PLCB1: variants seen among roughly 807,000 people sequenced by gnomAD.
PLCB1 encodes 1-phosphatidylinositol 4,5-bisphosphate phosphodiesterase beta-1.
A neutral mutation model predicts 161.8 loss-of-function variants in PLCB1; 46 were observed. That is an observed-to-expected ratio of 0.28 (90% CI 0.22 to 0.36). PLCB1 has a LOEUF of 0.36. Among genes scored for constraint, PLCB1 ranks in the 10% least tolerant of loss-of-function variants. The pLI, the probability that PLCB1 is intolerant of heterozygous loss-of-function variation, is 1.00. For missense variants in PLCB1, 1,016 were observed against 1,472.5 expected, an observed-to-expected ratio of 0.69 and a Z score of 5.07; for synonymous variants, 517 against 503.7, an observed-to-expected ratio of 1.03 and a Z score of -0.35.
chr20:8,535,676 A>G (rs182733244), intron 3 of PLCB1, among the ~76,000 whole-genome samples: 1 of 152,194 alleles, frequency 6.6e-6, no homozygotes, highest in East Asian at 1.9e-4. Context: ...TAAACTGTAC[A>G]TTAGTGTAAT....
chr20:8,594,398 A>T (rs1987254441), intron 3 of PLCB1, among the ~76,000 whole-genome samples: 1 of 151,564 alleles, frequency 6.6e-6, no homozygotes, highest in South Asian at 2.1e-4. Flanking sequence ...ATTGCCTTCA[A>T]TCAGGGCTTC....
chr20:8,391,809 A>G (rs1439803366), intron 3 of PLCB1, among the ~76,000 whole-genome samples: 33 of 142,218 alleles, frequency 2.3e-4, no homozygotes, highest in Non-Finnish European at 2.9e-4. Context: ...ATATATATAT[A>G]TATATATATA....
At chr20:8,707,553 C>T (rs1978756220) in intron 11 of PLCB1, among the ~76,000 whole-genome samples, 1 of 152,106 alleles carries the variant, frequency 6.6e-6, no homozygotes, top group Non-Finnish European at 1.5e-5. Context: ...GTCCTGCATG[C>T]ATTACTCTGG....
chr20:8,274,842 G>A (rs1205363559), intron 2 of PLCB1, among the ~76,000 whole-genome samples: 1 of 152,118 alleles, frequency 6.6e-6, no homozygotes, highest in Non-Finnish European at 1.5e-5. Flanking sequence ...AAATATTGCT[G>A]TGCAGAAGTC....
intron 31 of PLCB1, among the ~76,000 whole-genome samples, chr20:8,797,246 G>A (rs1600335683): frequency 6.6e-6 from 1 of 151,780 alleles, no homozygotes; most frequent in Non-Finnish European, 1.5e-5. Flanking sequence ...CCCACCGACA[G>A]CATTTAGTAT....
intron 3 of PLCB1, among the ~76,000 whole-genome samples, chr20:8,511,575 C>T (rs1983895553): frequency 6.6e-6 from 1 of 152,076 alleles, no homozygotes; most frequent in South Asian, 2.1e-4. Flanking sequence ...ATTCTATTTT[C>T]AGTTCTTTGA....
intron 27 of PLCB1, among the ~76,000 whole-genome samples, chr20:8,779,841 G>A (rs1417591940): frequency 6.6e-6 from 1 of 152,226 alleles, no homozygotes; most frequent in Non-Finnish European, 1.5e-5. Flanking sequence ...ATCAAGTTGA[G>A]TGTATTATCT....
chr20:8,482,388 C>T (rs893167172), intron 3 of PLCB1, among the ~76,000 whole-genome samples: 2 of 152,062 alleles, frequency 1.3e-5, no homozygotes, highest in Non-Finnish European at 2.9e-5. Context: ...AGGTGTGAGC[C>T]ACCGTGCCCA....
intron 3 of PLCB1, among the ~76,000 whole-genome samples, chr20:8,417,873 A>G (rs1979371986): frequency 6.6e-6 from 1 of 152,184 alleles, no homozygotes; most frequent in Non-Finnish European, 1.5e-5. Context: ...AACTGAAATG[A>G]GCCTACAGTC....
intron 15 of PLCB1, 46 bp downstream of exon 15, chr20:8,722,467 T>G: frequency 2.2e-6 from 3 of 1,386,274 alleles, no homozygotes; most frequent in Non-Finnish European, 3.0e-6. Flanking sequence ...CACCACCCTG[T>G]ACTCTCCTGG....
At chr20:8,508,265 G>A (rs1983724894) in intron 3 of PLCB1, among the ~76,000 whole-genome samples, 1 of 152,156 alleles carries the variant, frequency 6.6e-6, no homozygotes, top group African/African-American at 2.4e-5. Flanking sequence ...CTAAGGAGGG[G>A]AGTTATTCAA....
At chr20:8,612,829 T>C (rs1382511886) in intron 3 of PLCB1, among the ~76,000 whole-genome samples, 1 of 152,200 alleles carries the variant, frequency 6.6e-6, no homozygotes, top group African/African-American at 2.4e-5. Context: ...CCCTGAGCTG[T>C]ACCCGCAAGA....
At chr20:8,809,966 A>G (rs1984732116) in intron 31 of PLCB1, among the ~76,000 whole-genome samples, 1 of 152,216 alleles carries the variant, frequency 6.6e-6, no homozygotes, top group African/African-American at 2.4e-5. Context: ...CTCACAGCTA[A>G]TACTAAGCGT....
intron 3 of PLCB1, among the ~76,000 whole-genome samples, chr20:8,542,198 G>T (rs964205327): frequency 1.3e-5 from 2 of 152,134 alleles, no homozygotes; most frequent in African/African-American, 4.8e-5. Flanking sequence ...TCCACGACCG[G>T]TTCTTTCCTA....
intron 24 of PLCB1, 74 bp from the exon 25 acceptor site, chr20:8,760,333 A>T: frequency 1.2e-6 from 1 of 859,312 alleles, no homozygotes; most frequent in Non-Finnish European, 1.9e-6. Context: ...AGGCCCAAAT[A>T]TGTTTGTTTG....
chr20:8,288,782 T>C (rs1033683), intron 2 of PLCB1, among the ~76,000 whole-genome samples: 50,096 of 152,004 alleles, frequency 0.33, 8,622 homozygotes, highest in African/African-American at 0.42. Flanking sequence ...CAGTTACTGA[T>C]CCACCTTCCT....
chr20:8,815,429 G>A (rs1985040399), intron 31 of PLCB1, among the ~76,000 whole-genome samples: 1 of 152,214 alleles, frequency 6.6e-6, no homozygotes, highest in African/African-American at 2.4e-5. Flanking sequence ...CCATGGGCAA[G>A]TTAAATTTAT....
chr20:8,446,532 C>T (rs1035890332), intron 3 of PLCB1, among the ~76,000 whole-genome samples: 1 of 152,152 alleles, frequency 6.6e-6, no homozygotes, highest in South Asian at 2.1e-4. Flanking sequence ...CACTCCTATT[C>T]AACATAGTGT....
chr20:8,345,527 T>C (rs980795893), intron 2 of PLCB1, among the ~76,000 whole-genome samples: 1 of 152,184 alleles, frequency 6.6e-6, no homozygotes, highest in Admixed American at 6.6e-5. Context: ...AAACCCTCTT[T>C]CTGGTCCAGG....
Sources: gnomAD v4.1 joint callset for allele counts (sites outside exome capture counted in the v4.1 genomes callset) on GRCh38, gnomAD v4.1.1 for gene constraint, MANE v1.5 for transcripts, NCBI Gene and HGNC (gene_info 2026-07-23, HGNC 2026-07-21) for gene names.